VPS33A: variants seen among roughly 807,000 people sequenced by gnomAD.
The protein encoded by VPS33A is vacuolar protein sorting-associated protein 33A.
A neutral mutation model predicts 71.8 loss-of-function variants in VPS33A; 32 were observed. The observed-to-expected ratio is 0.45, with a 90% CI of 0.34 to 0.60. The LOEUF is 0.60. VPS33A is among the 20% of genes least tolerant of loss of function. The probability of loss-of-function intolerance (pLI) is 0.02; values close to 1 mark genes in which losing one functional copy is unlikely to be tolerated. For missense variants in VPS33A, 625 were observed against 748.5 expected, an observed-to-expected ratio of 0.84 and a Z score of 1.92; for synonymous variants, 311 against 292.7, an observed-to-expected ratio of 1.06 and a Z score of -0.64.
At chr12:122,237,451 A>G (rs1235445664) in intron 10 of VPS33A, among the ~76,000 whole-genome samples, 3 of 152,020 alleles carry the variant, frequency 2.0e-5, no homozygotes, top group Non-Finnish European at 4.4e-5. Context: ...GCTGTTGTGA[A>G]TATTTGTTGT....
chr12:122,230,505 CG>C lies in VPS33A; in HGVS notation c.*1740del, dbSNP rs1177429985. 1.3e-5 allele frequency: 2 copies of C among 152,150 alleles called. No homozygotes were observed. The highest frequency in any genetic ancestry group is 4.8e-5 in the African/African-American group (2 of 41,424). The allele number at this position is 152,150 out of a possible 1,614,324, so 9.4% of individuals were successfully genotyped here. On this transcript the variant is annotated 3_prime_UTR_variant, in exon 13 of 13. Coordinates refer to ENST00000267199, the MANE Select transcript of VPS33A (RefSeq NM_022916.6). ...CTGAGGCATGAGAATCGTCTGAACC[CG>C]GGAAGTGGAGGTTGCAGTGAGCTGA... is the stretch of plus-strand genomic sequence containing the variant.
chr12:122,259,201 GTA>G (rs1954959695), intron 4 of VPS33A, among the ~76,000 whole-genome samples: 1 of 151,000 alleles, frequency 6.6e-6, no homozygotes, highest in East Asian at 1.9e-4. Flanking sequence ...ATGTATGTAT[GTA>G]TGTATGTATG....
At chr12:122,238,852 A>G (rs1335559753) in intron 9 of VPS33A, 128 bp from the exon 10 acceptor site, 33 of 1,041,138 alleles carry the variant, frequency 3.2e-5, no homozygotes, top group Non-Finnish European at 4.3e-5. Flanking sequence ...ATTATTTTTC[A>G]AAGTCCAATA....
At chr12:122,243,632 G>GT (rs1453107383) in intron 7 of VPS33A, among the ~76,000 whole-genome samples, 2 of 152,088 alleles carry the variant, frequency 1.3e-5, no homozygotes, top group African/African-American at 2.4e-5. Flanking sequence ...TAAACCAAAA[G>GT]TAACTTCAGA....
chr12:122,240,210 C>A (rs1954694283), intron 8 of VPS33A, among the ~76,000 whole-genome samples: 1 of 152,086 alleles, frequency 6.6e-6, no homozygotes, highest in South Asian at 2.1e-4. Flanking sequence ...CACCCGTAGT[C>A]CCAGCTACTC....
Position 122,244,711 on chromosome 12 carries a change from C to T in VPS33A, c.827G>A (p.Gly276Asp), listed in dbSNP as rs768775005. The T allele has an allele frequency of 8.1e-6, 13 of 1,614,096 alleles. No homozygotes were observed. In the South Asian group the frequency reaches 1.4e-4, roughly 18 times the overall value. Residue 276 changes from glycine (G) to aspartate (D), a missense_variant, in exon 7 of 13, where the codon GGT becomes GAT. Physicochemically the swap from Gly to Asp is moderately conservative, Grantham distance 94. Transcript: ENST00000267199. ...TGCTTCCGTGGGGAGGTCCTTACCA[C>T]CATCGCCCTGTTTCTTAGGTGCAAA... is the stretch of plus-strand genomic sequence containing the variant. ...EKFAPKKQGD[G>D]GKDLPTEAKK...
At chr12:122,263,781 C>G in intron 2 of VPS33A, 82 bp from the exon 3 acceptor site, 1 of 1,428,574 alleles carries the variant, frequency 7.0e-7, no homozygotes, top group Non-Finnish European at 9.4e-7. Flanking sequence ...ATAAATACCC[C>G]CAATCAAGTG....
chr12:122,260,302 T>C (rs1241897978), intron 4 of VPS33A, among the ~76,000 whole-genome samples: 1 of 151,914 alleles, frequency 6.6e-6, no homozygotes, highest in African/African-American at 2.4e-5. Context: ...TTTTGTTTTT[T>C]GTTTTTTGTT....
chr12:122,258,896 G>A (rs1410273891), intron 4 of VPS33A, among the ~76,000 whole-genome samples: 2 of 150,152 alleles, frequency 1.3e-5, no homozygotes, highest in African/African-American at 4.9e-5. Context: ...CGGGAGAATT[G>A]CTTGAGCCTG....
rs2068223 is a variant in VPS33A, at chr12:122,231,521, G to A, written c.*725C>T. ...TTAACCACTGTCCTAGGCCTGATGC[G>A]CCTTGAAGAAATACAGCACTGGGGA... On this transcript the variant is annotated 3_prime_UTR_variant, in exon 13 of 13. Transcript: ENST00000267199. The A allele has an allele frequency of 0.23, 35,438 of 152,034 alleles. 5,008 individuals are homozygous for A. Among genetic ancestry groups the A allele is most frequent in the East Asian group, 0.62 (3,207 of 5,164 alleles). 9.4% of individuals were successfully genotyped at this position (152,034 alleles called of 1,614,324 possible). A position where few individuals can be genotyped will look rare whatever the true frequency, so the allele number is the denominator to read the frequency against.
rs1473304818 is a variant in VPS33A, at chr12:122,230,174, A to G, written c.*2072T>C. The G allele has an allele frequency of 2.0e-5, 3 of 152,242 alleles. No individual in the cohort carries two copies. The highest frequency in any genetic ancestry group is 7.2e-5 in the African/African-American group (3 of 41,464). 9.4% of individuals were successfully genotyped at this position (152,242 alleles called of 1,614,324 possible). ...ATCAAGGCCAAATTAATTCCATGAGAAACTAATCTTTCAATTATTATCTCT... is the reference window on the plus strand; with the variant it reads ...ATCAAGGCCAAATTAATTCCATGAGGAACTAATCTTTCAATTATTATCTCT... On this transcript the variant is annotated 3_prime_UTR_variant, in exon 13 of 13. Transcript: ENST00000267199.
intron 4 of VPS33A, among the ~76,000 whole-genome samples, chr12:122,253,720 CAG>C (rs1182998260): frequency 2.0e-4 from 31 of 151,792 alleles, no homozygotes; most frequent in African/African-American, 7.3e-4. Context: ...TTTTTTGAGA[CAG>C]AGTCTTGCTC....
rs1323073227 is a variant in VPS33A, at chr12:122,232,985, G to C, written c.1441-17C>G. ...CGTGGGGTTCTGTGAGATAATTAAA[G>C]AACAAAAACCCTATAGATACAGAGA... On this transcript the variant is annotated splice_polypyrimidine_tract_variant and intron_variant, in intron 11 of 12. Transcript: ENST00000267199. 1 of 1,575,374 alleles carries C rather than the reference G, an allele frequency of 6.3e-7. No individual in the cohort carries two copies. The highest frequency in any genetic ancestry group is 1.8e-5 in the Admixed American group (1 of 54,544).
chr12:122,238,536 T>C (rs1397493984), intron 10 of VPS33A, 51 bp downstream of exon 10: 1 of 1,574,466 alleles, frequency 6.4e-7, no homozygotes, highest in Admixed American at 2.0e-5. Context: ...AAGTATTTTT[T>C]AAAAAGATGC....
chr12:122,232,202 G>A lies in VPS33A; in HGVS notation c.*44C>T, dbSNP rs762405435. The A allele has an allele frequency of 3.3e-6, 5 of 1,530,900 alleles. No homozygotes were observed. The highest frequency in any genetic ancestry group is 4.4e-6 in the Non-Finnish European group (5 of 1,134,136). 94.8% of individuals were successfully genotyped at this position (1,530,900 alleles called of 1,614,324 possible). ...TCCTTTCAGCAATTTCTTCAAAGAG[G>A]TAGTTTATTCTGCAGTACACTTGTT... is the stretch of plus-strand genomic sequence containing the variant. On this transcript the variant is annotated 3_prime_UTR_variant, in exon 13 of 13. Transcript: ENST00000267199.
At chr12:122,266,099 G>A (rs1015480843) in intron 1 of VPS33A, among the ~76,000 whole-genome samples, 2 of 152,156 alleles carry the variant, frequency 1.3e-5, no homozygotes, top group African/African-American at 4.8e-5. Flanking sequence ...AAACAGTCGC[G>A]GTGCCACTCC....
intron 6 of VPS33A, chr12:122,248,192 G>C (rs12831210): frequency 0.22 from 33,667 of 152,262 alleles, 4,835 homozygotes; most frequent in East Asian, 0.62. Flanking sequence ...GGTTACAGGA[G>C]TGAGCCACCG....
intron 2 of VPS33A, 79 bp from the exon 3 acceptor site, chr12:122,263,778 C>A: frequency 2.1e-6 from 3 of 1,448,596 alleles, no homozygotes; most frequent in Middle Eastern, 1.9e-4. Context: ...ATCATAAATA[C>A]CCCCAATCAA....
Position 122,239,866 on chromosome 12 carries a change from T to A in VPS33A, c.1164+12A>T, listed in dbSNP as rs1215667533. 3.1e-6 allele frequency: 5 copies of A among 1,603,236 alleles called. No homozygotes were observed. The highest frequency in any genetic ancestry group is 3.4e-6 in the Non-Finnish European group (4 of 1,174,118). ...TCAATTACTTGTTAAAGAGGTTTTT[T>A]TGTCCACATACCTTATCAGTGTCTA... On this transcript the variant is annotated intron_variant, in intron 9 of 12. Transcript: ENST00000267199.
Sources: allele counts gnomAD v4.1 joint callset (sites outside exome capture counted in the v4.1 genomes callset), GRCh38; gene constraint gnomAD v4.1.1; transcripts MANE v1.5; gene names NCBI Gene and HGNC (gene_info 2026-07-23, HGNC 2026-07-21).